TMOD2: variants seen among roughly 807,000 people sequenced by gnomAD.
TMOD2 encodes tropomodulin-2.
A neutral mutation model predicts 39.9 loss-of-function variants in TMOD2; 22 were observed. The observed-to-expected ratio is 0.55, with a 90% CI of 0.39 to 0.79. The LOEUF (loss-of-function observed/expected upper bound fraction) is 0.79, where lower values mean the gene tolerates loss of function less well. TMOD2 is among the 30% of genes least tolerant of loss of function. TMOD2 has a pLI of 0.00. For synonymous variants in TMOD2, 123 were observed against 146.1 expected, an observed-to-expected ratio of 0.84 and a Z score of 1.14; for missense variants, 386 against 413.3, an observed-to-expected ratio of 0.93 and a Z score of 0.57.
At chr15:51,756,039 G>A (rs2141610475) in intron 1 of TMOD2, among the ~76,000 whole-genome samples, 1 of 152,266 alleles carries the variant, frequency 6.6e-6, no homozygotes, top group Non-Finnish European at 1.5e-5. Context: ...GGAAGGCAAG[G>A]AGATAAATAG....
At chr15:51,796,003 C>T (rs866615116) in intron 7 of TMOD2, among the ~76,000 whole-genome samples, 9 of 142,756 alleles carry the variant, frequency 6.3e-5, no homozygotes, top group South Asian at 2.2e-4. Context: ...GTGTCTGTTT[C>T]TTCTATGGCA....
chr15:51,769,261 T>C (rs1034043500), intron 3 of TMOD2, among the ~76,000 whole-genome samples: 1 of 152,188 alleles, frequency 6.6e-6, no homozygotes, highest in Non-Finnish European at 1.5e-5. Context: ...CTGGTGTATT[T>C]CTCTTAGCCT....
intron 1 of TMOD2, among the ~76,000 whole-genome samples, chr15:51,761,914 G>A (rs1004266079): frequency 6.6e-6 from 1 of 151,196 alleles, no homozygotes; most frequent in African/African-American, 2.4e-5. Flanking sequence ...TTGGGAGGCC[G>A]AAACAGGCAG....
Position 51,779,450 on chromosome 15 carries a change from A to G in TMOD2, c.494-1594A>G, listed in dbSNP as rs1037394091. On this transcript the variant is annotated intron_variant, in intron 5 of 9. Coordinates refer to ENST00000249700, the MANE Select transcript of TMOD2 (RefSeq NM_014548.4). ...GGCTGGAGTGCAGTGGCACGATCTC[A>G]GCTCACTGCAAGCTCTGCCTCCCGG... Among the ~76,000 whole-genome samples, 3 of 150,468 alleles carry G rather than the reference A, an allele frequency of 2.0e-5. No individual in the cohort carries two copies. The East Asian group carries it at 5.9e-4, about 30-fold the overall frequency.
intron 7 of TMOD2, among the ~76,000 whole-genome samples, chr15:51,796,131 A>C (rs907122987): frequency 2.6e-5 from 4 of 151,858 alleles, no homozygotes; most frequent in African/African-American, 2.4e-5. Context: ...ATCCAGGATC[A>C]TTTCTCCTGC....
At chr15:51,773,937 T>C in intron 4 of TMOD2, 103 bp downstream of exon 4, 2 of 1,283,054 alleles carry the variant, frequency 1.6e-6, no homozygotes, top group Non-Finnish European at 2.1e-6. Context: ...GGTAGGAGAA[T>C]GACAGGTTGA....
chr15:51,766,334 C>T (rs557965521), intron 1 of TMOD2, 39 bp from the exon 2 acceptor site: 17 of 1,049,718 alleles, frequency 1.6e-5, no homozygotes, highest in Admixed American at 2.6e-5. Flanking sequence ...GTTTACAGAA[C>T]GGAGATTCTT....
intron 8 of TMOD2, among the ~76,000 whole-genome samples, chr15:51,801,229 TCTCTCTCTCA>T (rs1466662252): frequency 3.0e-5 from 3 of 98,504 alleles, no homozygotes; most frequent in South Asian, 3.0e-4. Flanking sequence ...TCTCTCTCTC[TCTCTCTCTCA>T]CACACACACA....
chr15:51,789,600 A>G (rs8026507), intron 7 of TMOD2, among the ~76,000 whole-genome samples: 3,965 of 152,270 alleles, frequency 0.026, 134 homozygotes, highest in Admixed American at 0.075. Context: ...AACTGACCAC[A>G]TAATTGGAAG....
chr15:51,789,426 C>A (rs1315850603), intron 7 of TMOD2, among the ~76,000 whole-genome samples: 1 of 152,174 alleles, frequency 6.6e-6, no homozygotes, highest in African/African-American at 2.4e-5. Flanking sequence ...CTTTAACACC[C>A]CACTGTCAAT....
chr15:51,760,288 A>G (rs2055771733), intron 1 of TMOD2, among the ~76,000 whole-genome samples: 2 of 152,250 alleles, frequency 1.3e-5, no homozygotes, highest in East Asian at 1.9e-4. Flanking sequence ...AAGGTGTCAC[A>G]GGACTGTATT....
intron 7 of TMOD2, chr15:51,783,745 T>TGATAGATAGATAGATAGATA (rs57407023): frequency 2.0e-5 from 3 of 146,460 alleles, no homozygotes; most frequent in East Asian, 4.2e-4. Context: ...TAGAACGAGA[T>TGATAGATAGATAGATAGATA]GATAGATAGA....
chr15:51,816,041 A>G lies in TMOD2; in HGVS notation c.*7587A>G, dbSNP rs2056186563. On this transcript the variant is annotated 3_prime_UTR_variant, in exon 10 of 10. Coordinates refer to ENST00000249700, the MANE Select transcript of TMOD2 (RefSeq NM_014548.4). Reference sequence around the variant, plus strand: ...AGACTATTATATTCATTAGGGAATTAAAGACTAATTTGCTTTTTAAATGTG... The same window carrying G: ...AGACTATTATATTCATTAGGGAATTGAAGACTAATTTGCTTTTTAAATGTG... 6.6e-6 allele frequency: 1 copy of G among 152,228 alleles called. No individual in the cohort carries two copies. The highest frequency in any genetic ancestry group is 1.5e-5 in the Non-Finnish European group (1 of 68,024). 9.4% of individuals were successfully genotyped at this position (152,228 alleles called of 1,614,324 possible). A position where few individuals can be genotyped will look rare whatever the true frequency, so the allele number is the denominator to read the frequency against.
chr15:51,803,814 G>C (rs1021963772), intron 8 of TMOD2, among the ~76,000 whole-genome samples: 1 of 152,146 alleles, frequency 6.6e-6, no homozygotes, highest in African/African-American at 2.4e-5. Flanking sequence ...GGCATGGATT[G>C]GTAGTTCCTG....
chr15:51,754,853 G>A (rs1420430893), intron 1 of TMOD2, among the ~76,000 whole-genome samples: 1 of 152,126 alleles, frequency 6.6e-6, no homozygotes, highest in Non-Finnish European at 1.5e-5. Context: ...CAAACTGTGT[G>A]CAAAAATAAA....
chr15:51,806,913 G>A (rs1453012289), intron 9 of TMOD2, among the ~76,000 whole-genome samples: 1 of 152,150 alleles, frequency 6.6e-6, no homozygotes, highest in East Asian at 1.9e-4. Flanking sequence ...TCTAAATATG[G>A]ATATGTCTGA....
chr15:51,795,337 A>G (rs554884496), intron 7 of TMOD2, among the ~76,000 whole-genome samples: 13 of 151,972 alleles, frequency 8.6e-5, no homozygotes, highest in African/African-American at 3.1e-4. Flanking sequence ...GGGGCAGGAG[A>G]ATTGCTTGAA....
At chr15:51,801,217 CCTCTCT>C (rs71127202) in intron 8 of TMOD2, among the ~76,000 whole-genome samples, 236 of 119,376 alleles carry the variant, frequency 2.0e-3, no homozygotes, top group African/African-American at 5.5e-3. Context: ...ATTCTCTCTC[CCTCTCT>C]CTCTCTCTCT....
At chr15:51,768,640 A>G (rs2055833690) in intron 3 of TMOD2, among the ~76,000 whole-genome samples, 1 of 152,182 alleles carries the variant, frequency 6.6e-6, no homozygotes, top group Non-Finnish European at 1.5e-5. Context: ...AATGGGAAAT[A>G]AGCCCATGAA....
Sources: allele counts gnomAD v4.1 joint callset (sites outside exome capture counted in the v4.1 genomes callset), GRCh38; gene constraint gnomAD v4.1.1; transcripts MANE v1.5; gene names NCBI Gene and HGNC (gene_info 2026-07-23, HGNC 2026-07-21).